Variants in EXOSC10 observed in about 807,000 individuals in gnomAD.
EXOSC10 encodes the protein exosome complex component 10.
A neutral mutation model predicts 126.6 loss-of-function variants in EXOSC10; 94 were observed. The ratio of observed to expected loss-of-function variants is 0.74; its 90% CI spans 0.63 to 0.88. EXOSC10 has a LOEUF of 0.88. EXOSC10 is among the 40% of genes least tolerant of loss of function. The probability of loss-of-function intolerance (pLI) is 0.00; values close to 1 mark genes in which losing one functional copy is unlikely to be tolerated. For missense variants in EXOSC10, 1,041 were observed against 1,100.5 expected (o/e 0.95, Z 0.77); for synonymous variants, 395 against 400.8 (o/e 0.99, Z 0.17).
chr1:11,087,298 CAA>C, intron 9 of EXOSC10, 148 bp downstream of exon 9: 1 of 916,846 alleles, frequency 1.1e-6, no homozygotes, highest in East Asian at 2.4e-5. Context: ...GATTTAGAAA[CAA>C]AAGCCATTTA....
intron 4 of EXOSC10, 25 bp downstream of exon 4, chr1:11,091,468 T>C: frequency 6.3e-7 from 1 of 1,585,874 alleles, no homozygotes; most frequent in African/African-American, 1.3e-5. Context: ...CATCAAGAGC[T>C]CTAGTTAATC....
chr1:11,082,502 A>G, intron 10 of EXOSC10, 186 bp downstream of exon 10: 1 of 1,395,478 alleles, frequency 7.2e-7, no homozygotes, highest in Non-Finnish European at 9.4e-7. Flanking sequence ...AGCCCATCAT[A>G]AAGTCCACCT....
intron 9 of EXOSC10, among the ~76,000 whole-genome samples, chr1:11,084,451 C>A (rs1396049524): frequency 6.6e-6 from 1 of 152,142 alleles, no homozygotes; most frequent in African/African-American, 2.4e-5. Flanking sequence ...TGTTCATGTC[C>A]TTCACCCACT....
At chr1:11,067,300 C>T (rs1218948205) in intron 24 of EXOSC10, among the ~76,000 whole-genome samples, 1 of 152,112 alleles carries the variant, frequency 6.6e-6, no homozygotes, top group Non-Finnish European at 1.5e-5. Context: ...GGCATCATGG[C>T]GGGCGCCTGT....
intron 5 of EXOSC10, 100 bp downstream of exon 5, chr1:11,090,914 T>C: frequency 8.1e-7 from 1 of 1,231,708 alleles, no homozygotes; most frequent in Non-Finnish European, 1.1e-6. Context: ...CAAAGGAGGG[T>C]GGGCTCCCTT....
chr1:11,097,146 G>C (rs1484553605), intron 2 of EXOSC10, among the ~76,000 whole-genome samples: 3 of 151,924 alleles, frequency 2.0e-5, no homozygotes, highest in Non-Finnish European at 4.4e-5. Flanking sequence ...GGAGGTGGAG[G>C]TTGCTGCGAG....
intron 2 of EXOSC10, among the ~76,000 whole-genome samples, chr1:11,096,340 G>A (rs1641085185): frequency 6.6e-6 from 1 of 152,062 alleles, no homozygotes; most frequent in Non-Finnish European, 1.5e-5. Flanking sequence ...TAGTAAAGAT[G>A]ACGTTTCACC....
intron 17 of EXOSC10, among the ~76,000 whole-genome samples, chr1:11,075,664 G>A (rs374356161): frequency 3.9e-5 from 6 of 151,934 alleles, no homozygotes; most frequent in East Asian, 1.9e-4. Context: ...AAGCCTGGGC[G>A]ACATGGTGAA....
In EXOSC10 at chr1:11,069,673, G is replaced by A. The variant is rs369984967; in HGVS notation, c.2374C>T (p.Gln792Ter). The change falls in exon 22 of 25, where the codon CAG becomes TAG. Residue 792 changes from glutamine (Q) to a stop codon, truncating the protein, a stop_gained. Coordinates refer to ENST00000376936, the MANE Select transcript of EXOSC10 (RefSeq NM_001001998.3). LOFTEE classifies it high-confidence loss of function. ...TTGAGTCGTTTCTTCTCTTGTTTCT[G>A]TTCTGTGGTCCTTGGGTCGCTTGTT... ...RATSDPRTTE[Q>*]KQEKKRLKIS... The A allele has an allele frequency of 3.1e-6, 5 of 1,611,834 alleles. No individual in the cohort carries two copies. The highest frequency in any genetic ancestry group is 4.2e-6 in the Non-Finnish European group (5 of 1,178,798).
At chr1:11,074,724 G>A (rs2100962477) in intron 17 of EXOSC10, among the ~76,000 whole-genome samples, 1 of 152,150 alleles carries the variant, frequency 6.6e-6, no homozygotes, top group East Asian at 1.9e-4. Context: ...GCCAGTAACA[G>A]TGATATTAAT....
In EXOSC10 at chr1:11,090,654, T is replaced by C; in HGVS notation, c.658A>G (p.Arg220Gly). The change falls in exon 6 of 25, where the codon AGG (arginine) becomes GGG (glycine). Residue 220 changes from arginine to glycine, a missense_variant. By Grantham distance (125) the Arg-to-Gly change is moderately radical (BLOSUM62 -2). This residue lies in a region of EXOSC10 where 645 missense variants were observed against 656.3 expected (regional missense o/e 0.98). Coordinates refer to ENST00000376936, the MANE Select transcript of EXOSC10 (RefSeq NM_001001998.3). ...GGACGATCCTGTGGGCGTTCCCGCC[T>C]TTCCTTAGAGAGAGCTGGGGATCCC... is the stretch of plus-strand genomic sequence containing the variant. The part of the protein sequence containing the change: ...KPLPQALSKE[R>G]RERPQDRPED... 6.2e-7 allele frequency: 1 copy of C among 1,610,984 alleles called. No individual in the cohort carries two copies. Among genetic ancestry groups the C allele is most frequent in the Non-Finnish European group, 8.5e-7 (1 of 1,178,608 alleles).
intron 23 of EXOSC10, 75 bp downstream of exon 23, chr1:11,068,570 C>T: frequency 2.7e-6 from 3 of 1,122,418 alleles, no homozygotes; most frequent in Non-Finnish European, 4.1e-6. Context: ...CTGGATGGGC[C>T]TGTCTTCTCA....
At chr1:11,094,009 G>A (rs1183730921) in intron 3 of EXOSC10, among the ~76,000 whole-genome samples, 1 of 152,118 alleles carries the variant, frequency 6.6e-6, no homozygotes, top group Non-Finnish European at 1.5e-5. Context: ...GAGCCCAGGA[G>A]TTCAAGGTTG....
chr1:11,095,149 T>C (rs960887542), intron 3 of EXOSC10, among the ~76,000 whole-genome samples: 1 of 148,914 alleles, frequency 6.7e-6, no homozygotes, highest in African/African-American at 2.5e-5. Flanking sequence ...GAGGTGGAGG[T>C]TGCAGTGAAC....
chr1:11,091,648 G>A (rs1031400266), intron 3 of EXOSC10, 51 bp from the exon 4 acceptor site: 2 of 1,339,176 alleles, frequency 1.5e-6, no homozygotes, highest in African/African-American at 2.9e-5. Flanking sequence ...GAGGTTAGCA[G>A]AGTTAACTAC....
At chr1:11,090,433 G>A in intron 6 of EXOSC10, 121 bp downstream of exon 6, 2 of 798,170 alleles carry the variant, frequency 2.5e-6, no homozygotes, top group Non-Finnish European at 2.1e-6. Flanking sequence ...GGCCCAGGTT[G>A]GGGTGTAAGG....
At chr1:11,077,834 G>A (rs1639906394) in intron 14 of EXOSC10, among the ~76,000 whole-genome samples, 183 bp from the exon 15 acceptor site, 1 of 152,142 alleles carries the variant, frequency 6.6e-6, no homozygotes, top group Admixed American at 6.5e-5. Context: ...ATAATTATTT[G>A]TAGAATGAAA....
At chr1:11,091,381 G>C in intron 4 of EXOSC10, 112 bp downstream of exon 4, 1 of 1,022,642 alleles carries the variant, frequency 9.8e-7, no homozygotes, top group Non-Finnish European at 1.4e-6. Flanking sequence ...CAAACTAAAG[G>C]AGACAGTGGC....
At chr1:11,072,340 T>A (rs985763458) in intron 19 of EXOSC10, 169 bp from the exon 20 acceptor site, 33 of 573,678 alleles carry the variant, frequency 5.8e-5, no homozygotes, top group African/African-American at 5.4e-4. Flanking sequence ...GCTGGCTTTA[T>A]TGCTAAAATC....
Sources: allele counts gnomAD v4.1 joint callset (sites outside exome capture counted in the v4.1 genomes callset), GRCh38; gene constraint gnomAD v4.1.1; regional missense constraint gnomAD v4.1.1; transcripts MANE v1.5; gene names NCBI Gene and HGNC (gene_info 2026-07-23, HGNC 2026-07-21).